CAV1: variants seen among roughly 807,000 people sequenced by gnomAD.
CAV1 encodes caveolin 1.
CAV1 carries 10 observed loss-of-function variants against 16.5 expected under a neutral mutation model. The observed-to-expected ratio is 0.61, with a 90% confidence interval of 0.37 to 1.03. The LOEUF is 1.03. CAV1 is among the 50% of genes least tolerant of loss of function. The probability of loss-of-function intolerance (pLI) is 0.01; values close to 1 mark genes in which losing one functional copy is unlikely to be tolerated. For missense variants in CAV1, 212 were observed against 232.8 expected (o/e 0.91, Z 0.58); for synonymous variants, 76 against 85.1 (o/e 0.89, Z 0.59).
rs1490115976 is a variant in CAV1 at position 116,559,628 on chromosome 7, A to C, written c.*341A>C. The C allele has an allele frequency of 1.9e-6, 1 of 530,822 alleles. No homozygotes were observed. Among genetic ancestry groups the C allele is most frequent in the Non-Finnish European group, 3.3e-6 (1 of 306,526 alleles). 32.9% of individuals were successfully genotyped at this position (530,822 alleles called of 1,614,324 possible). A position where few individuals can be genotyped will look rare whatever the true frequency, so the allele number is the denominator to read the frequency against. On this transcript the variant is annotated 3_prime_UTR_variant, in exon 3 of 3. Coordinates refer to ENST00000341049, the MANE Select transcript of CAV1 (RefSeq NM_001753.5). ...GAACTGAGGAGGAAAAAAAAAAAAA[A>C]GAAAAGAACCAACAACCTCAACTGC...
chr7:116,547,168 ACCCTATATC>A (rs1271851919), intron 2 of CAV1, among the ~76,000 whole-genome samples: 3 of 152,140 alleles, frequency 2.0e-5, no homozygotes, highest in Non-Finnish European at 4.4e-5. Flanking sequence ...ATCTGCAATG[ACCCTATATC>A]CAAATAAAGT....
rs1156973182 is a variant in CAV1 at position 116,555,578 on chromosome 7, AAGAAAGAAAGAAAGAAAGAAAGAAAG to A, written c.196-3351_196-3326del. Among the ~76,000 whole-genome samples, 12 of 100,396 alleles carry A rather than the reference AAGAAAGAAAGAAAGAAAGAAAGAAAG, an allele frequency of 1.2e-4. 2 individuals carry two copies. The highest frequency in any genetic ancestry group is 4.2e-4 in the African/African-American group (10 of 23,578). The allele number at this position is 100,396 out of a possible 152,430, so 65.9% of individuals were successfully genotyped here. On this transcript the variant is annotated intron_variant, in intron 2 of 2. Transcript: ENST00000341049. ...AAAGAAAGAAAGAAAGAAAGAAAGA[AAGAAAGAAAGAAAGAAAGAAAGAAAG>A]AGAAAGAAAGAAAGAAGGGAGGGAG...
chr7:116,558,974 C>A lies in CAV1; in HGVS notation c.224C>A (p.Pro75Gln). 6.2e-7 allele frequency: 1 copy of A among 1,613,596 alleles called. No individual in the cohort carries two copies. Among genetic ancestry groups the A allele is most frequent in the Non-Finnish European group, 8.5e-7 (1 of 1,179,728 alleles). The change falls in exon 3 of 3, where the codon CCA becomes CAA. Residue 75 changes from proline to glutamine, a missense_variant. Pro to Gln is a moderately conservative substitution (Grantham distance 76). Transcript: ENST00000341049. ...GACTTTGAAGATGTGATTGCAGAAC[C>A]AGAAGGGACACACAGTTTTGACGGC... ...KIDFEDVIAE[P>Q]EGTHSFDGIW...
At chr7:116,530,997 G>A (rs906112941) in intron 2 of CAV1, among the ~76,000 whole-genome samples, 2 of 152,196 alleles carry the variant, frequency 1.3e-5, no homozygotes, top group Non-Finnish European at 2.9e-5. Context: ...AAGACAATGC[G>A]AAGTGGCATT....
chr7:116,528,845 T>A (rs1214098679), intron 2 of CAV1, among the ~76,000 whole-genome samples: 6 of 152,082 alleles, frequency 3.9e-5, no homozygotes, highest in Admixed American at 2.6e-4. Flanking sequence ...TTATTTATTT[T>A]TTGAGACGGA....
intron 2 of CAV1, among the ~76,000 whole-genome samples, chr7:116,536,423 G>A (rs1451804138): frequency 2.0e-5 from 3 of 152,166 alleles, no homozygotes; most frequent in Admixed American, 2.0e-4. Context: ...ACCTGAGTGA[G>A]GTCATGTAAT....
Position 116,559,403 on chromosome 7 carries a change from T to C in CAV1, c.*116T>C, listed in dbSNP as rs1794359499. Reference sequence around the variant, plus strand: ...CAATTTATGAATTGAATTATCTTGGTTGAAAATAAAAAGATCACTTTCTCA... The same window carrying C: ...CAATTTATGAATTGAATTATCTTGGCTGAAAATAAAAAGATCACTTTCTCA... On this transcript the variant is annotated 3_prime_UTR_variant, in exon 3 of 3. Transcript: ENST00000341049. 15 of 731,076 alleles carry C rather than the reference T, an allele frequency of 2.1e-5. No individual in the cohort carries two copies. The South Asian group carries it at 2.2e-4, about 11-fold the overall frequency. The allele number at this position is 731,076 out of a possible 1,614,324, so 45.3% of individuals were successfully genotyped here.
chr7:116,558,774 A>T (rs1997572), intron 2 of CAV1, among the ~76,000 whole-genome samples, 172 bp from the exon 3 acceptor site: 1 of 151,846 alleles, frequency 6.6e-6, no homozygotes, highest in African/African-American at 2.4e-5. Flanking sequence ...AATGAAAAAA[A>T]TCTGTGTTCC....
intron 2 of CAV1, among the ~76,000 whole-genome samples, chr7:116,540,899 G>A (rs991897300): frequency 2.0e-5 from 3 of 152,110 alleles, no homozygotes; most frequent in Non-Finnish European, 2.9e-5. Flanking sequence ...TGAGTATAAT[G>A]GATATGGAAA....
chr7:116,552,569 C>T (rs1742859092), intron 2 of CAV1, among the ~76,000 whole-genome samples: 1 of 152,214 alleles, frequency 6.6e-6, no homozygotes, highest in Admixed American at 6.5e-5. Context: ...GGCATTGCTT[C>T]AGTAGCTTGA....
At chr7:116,535,987 T>C (rs1793804998) in intron 2 of CAV1, among the ~76,000 whole-genome samples, 1 of 152,222 alleles carries the variant, frequency 6.6e-6, no homozygotes, top group Admixed American at 6.5e-5. Context: ...GCATTCAGTG[T>C]ATAAACTTCT....
intron 2 of CAV1, among the ~76,000 whole-genome samples, chr7:116,541,502 G>C (rs903655504): frequency 6.6e-6 from 1 of 152,152 alleles, no homozygotes; most frequent in African/African-American, 2.4e-5. Flanking sequence ...TGTAATCCCA[G>C]CACTTTGGGA....
At chr7:116,535,249 C>T (rs1185086110) in intron 2 of CAV1, among the ~76,000 whole-genome samples, 1 of 152,226 alleles carries the variant, frequency 6.6e-6, no homozygotes, top group Non-Finnish European at 1.5e-5. Context: ...GAAGTCCCTA[C>T]TCATGCTATT....
intron 2 of CAV1, among the ~76,000 whole-genome samples, chr7:116,549,864 CT>C: frequency 6.6e-6 from 1 of 152,270 alleles, no homozygotes; most frequent in Non-Finnish European, 1.5e-5. Context: ...AGACCTTGCC[CT>C]AAGTCCTGGT....
intron 1 of CAV1, 189 bp downstream of exon 1, chr7:116,525,281 T>G (rs756873467): frequency 6.4e-7 from 1 of 1,568,932 alleles, no homozygotes; most frequent in Non-Finnish European, 8.6e-7. Context: ...GAATGTTTTA[T>G]GTTTTCCTAA....
intron 2 of CAV1, among the ~76,000 whole-genome samples, chr7:116,546,590 G>A (rs946892726): frequency 3.3e-5 from 5 of 151,642 alleles, no homozygotes; most frequent in Non-Finnish European, 7.4e-5. Flanking sequence ...CCAGCTACTT[G>A]GGAGGCTGAG....
rs5886830 is a variant in CAV1, at chr7:116,546,697, C to CAA, written c.196-12233_196-12232dup. Among the ~76,000 whole-genome samples the CAA allele has an allele frequency of 2.6e-3, 228 of 88,384 alleles. 5 individuals carry two copies. The highest frequency in any genetic ancestry group is 8.5e-3 in the African/African-American group (192 of 22,544). 58.0% of individuals were successfully genotyped at this position (88,384 alleles called of 152,430 possible). On this transcript the variant is annotated intron_variant, in intron 2 of 2. Coordinates refer to ENST00000341049, the MANE Select transcript of CAV1 (RefSeq NM_001753.5). ...GGGCAACAAGAATGAGACTCTGTCA[C>CAA]AAAAAAAAAAAAAAAAAGTCTGCAG...
At chr7:116,534,360 C>CAGATAT (rs1562829819) in intron 2 of CAV1, among the ~76,000 whole-genome samples, 8 of 78,900 alleles carry the variant, frequency 1.0e-4, no homozygotes, top group Non-Finnish European at 1.7e-4. Context: ...GGGCCCACCT[C>CAGATAT]AGATATATAT....
intron 2 of CAV1, among the ~76,000 whole-genome samples, chr7:116,555,566 AAG>A (rs1180305739): frequency 1.1e-5 from 1 of 88,024 alleles, no homozygotes; most frequent in Non-Finnish European, 2.3e-5. Context: ...GAAAGAAAGA[AAG>A]AAAGAAAGAA....
Sources: allele counts gnomAD v4.1 joint callset (sites outside exome capture counted in the v4.1 genomes callset), GRCh38; gene constraint gnomAD v4.1.1; transcripts MANE v1.5; gene names NCBI Gene and HGNC (gene_info 2026-07-23, HGNC 2026-07-21).